The following CNBD1 variants were observed in gnomAD, a reference collection of about 807,000 sequenced individuals.
The protein encoded by CNBD1 is cyclic nucleotide-binding domain-containing protein 1.
A neutral mutation model predicts 54.4 loss-of-function variants in CNBD1; 71 were observed. The observed-to-expected ratio is 1.30, with a 90% confidence interval of 1.08 to 1.59. The LOEUF (loss-of-function observed/expected upper bound fraction) is 1.59. CNBD1 is among the 40% of genes most tolerant of loss of function. The pLI, the probability that CNBD1 is intolerant of heterozygous loss-of-function variation, is 0.00. For synonymous variants in CNBD1, 182 were observed against 170.7 expected (o/e 1.07, Z -0.51); for missense variants, 659 against 518.0 (o/e 1.27, Z -2.64).
intron 4 of CNBD1, among the ~76,000 whole-genome samples, chr8:87,053,777 A>G (rs1374602854): frequency 2.0e-5 from 3 of 152,190 alleles, no homozygotes; most frequent in African/African-American, 7.2e-5. Flanking sequence ...ACTGTATAAT[A>G]GTTGTACTTG....
At chr8:87,153,531 G>T (rs555688475) in intron 4 of CNBD1, among the ~76,000 whole-genome samples, 2 of 152,254 alleles carry the variant, frequency 1.3e-5, no homozygotes, top group East Asian at 3.9e-4. Context: ...GAAAAGAAAA[G>T]AAAAATCTGC....
intron 8 of CNBD1, among the ~76,000 whole-genome samples, chr8:87,340,830 G>T (rs1460487407): frequency 6.6e-6 from 1 of 151,584 alleles, no homozygotes; most frequent in African/African-American, 2.4e-5. Context: ...TTCTTAGCTT[G>T]CTTATGATTA....
At chr8:86,936,444 AT>A (rs1447406191) in intron 3 of CNBD1, among the ~76,000 whole-genome samples, 1 of 152,108 alleles carries the variant, frequency 6.6e-6, no homozygotes, top group Non-Finnish European at 1.5e-5. Flanking sequence ...TTGGAAAAAA[AT>A]CTATATGGAT....
chr8:87,312,641 G>A (rs10099714), intron 8 of CNBD1, among the ~76,000 whole-genome samples: 1,662 of 152,008 alleles, frequency 0.011, 41 homozygotes, highest in African/African-American at 0.038. Flanking sequence ...AGAGCCATAT[G>A]AGTAATTAAT....
intron 10 of CNBD1, among the ~76,000 whole-genome samples, chr8:87,364,587 C>A (rs1810600582): frequency 6.6e-6 from 1 of 151,534 alleles, no homozygotes; most frequent in Non-Finnish European, 1.5e-5. Context: ...TTTTTTGTCA[C>A]CTAGGTATCA....
chr8:87,363,118 G>A (rs1432111834), intron 10 of CNBD1, among the ~76,000 whole-genome samples: 2 of 151,958 alleles, frequency 1.3e-5, no homozygotes, highest in Admixed American at 1.3e-4. Context: ...GTTTTCTGTT[G>A]TTGTGTTAGT....
rs556876934 is a variant in CNBD1 at position 86,972,101 on chromosome 8, G to A, written c.431+32347G>A. 3.9e-3 allele frequency among the ~76,000 whole-genome samples: 597 copies of A among 151,912 alleles called. 5 individuals are homozygous for A. The highest frequency in any genetic ancestry group is 5.0e-3 in the Non-Finnish European group (337 of 67,974). ...CAAGTAGCTGGGATTACAGGTGCCC[G>A]CCACCATGCCTGGCTAATTTTTGAA... On this transcript the variant is annotated intron_variant, in intron 4 of 10. Coordinates refer to ENST00000518476, the MANE Select transcript of CNBD1 (RefSeq NM_173538.3).
chr8:86,939,832 G>A (rs1010576145), intron 4 of CNBD1, 78 bp downstream of exon 4: 12 of 928,668 alleles, frequency 1.3e-5, no homozygotes, highest in Non-Finnish European at 1.9e-5. Flanking sequence ...TTTATTGTTT[G>A]TGGGTAAGTG....
chr8:87,353,685 C>T lies in CNBD1; in HGVS notation c.1202C>T (p.Ser401Phe), dbSNP rs745485240. 3 of 1,608,008 alleles carry T rather than the reference C, an allele frequency of 1.9e-6. No individual in the cohort carries two copies. In the Admixed American group the frequency reaches 5.0e-5, roughly 27 times the overall value. The change falls in exon 10 of 11, where the codon TCC becomes TTC. Residue 401 changes from serine to phenylalanine, a missense_variant. Physicochemically the swap from Ser to Phe is radical, Grantham distance 155. Coordinates refer to ENST00000518476, the MANE Select transcript of CNBD1 (RefSeq NM_173538.3). ...ATGGGGAAACTTAAGGAGAAGGAGT[C>T]CTTTGGTGAGATTAGCGTCCTTCTT... ...VYMGKLKEKE[S>F]FGEISVLLQV...
chr8:87,365,768 C>G (rs972972161), intron 10 of CNBD1, among the ~76,000 whole-genome samples: 1 of 151,858 alleles, frequency 6.6e-6, no homozygotes, highest in African/African-American at 2.4e-5. Context: ...TTATGCATGC[C>G]TCTATTAAAA....
chr8:87,335,629 G>A (rs192455115), intron 8 of CNBD1, among the ~76,000 whole-genome samples: 2 of 152,066 alleles, frequency 1.3e-5, no homozygotes, highest in South Asian at 2.1e-4. Flanking sequence ...CTTGAATATA[G>A]CACACCAATG....
intron 4 of CNBD1, among the ~76,000 whole-genome samples, chr8:86,975,264 CTT>C (rs1808315177): frequency 6.6e-6 from 1 of 151,940 alleles, no homozygotes. Context: ...TAAAACCACT[CTT>C]TTTAGCAATT....
intron 4 of CNBD1, among the ~76,000 whole-genome samples, chr8:87,046,042 TAAAAAAAAAAA>T (rs58214390): frequency 3.6e-4 from 26 of 71,638 alleles, no homozygotes; most frequent in African/African-American, 1.3e-3. Flanking sequence ...CTTCCTCTCA[TAAAAAAAAAAA>T]AAAAAAAAAA....
intron 6 of CNBD1, among the ~76,000 whole-genome samples, chr8:87,273,938 A>G (rs1364390548): frequency 1.9e-5 from 2 of 105,498 alleles, no homozygotes; most frequent in Non-Finnish European, 3.7e-5. Context: ...CCACCCCACA[A>G]CAGTCCCCAG....
chr8:87,379,651 A>C (rs1191141146), intron 10 of CNBD1, among the ~76,000 whole-genome samples: 3 of 152,054 alleles, frequency 2.0e-5, no homozygotes, highest in African/African-American at 4.8e-5. Context: ...AATGGTCATA[A>C]AAGTGCATAT....
At chr8:86,980,015 C>G (rs982120559) in intron 4 of CNBD1, among the ~76,000 whole-genome samples, 2 of 152,150 alleles carry the variant, frequency 1.3e-5, no homozygotes, top group Non-Finnish European at 2.9e-5. Flanking sequence ...GATTTTGTTA[C>G]TTTTAAGTTT....
chr8:87,231,751 GTT>G (rs1365441402), intron 5 of CNBD1, among the ~76,000 whole-genome samples: 1 of 151,716 alleles, frequency 6.6e-6, no homozygotes, highest in Non-Finnish European at 1.5e-5. Context: ...TTCAATATTT[GTT>G]TCTGACACTT....
chr8:87,020,873 A>G (rs937625533), intron 4 of CNBD1, among the ~76,000 whole-genome samples: 6 of 152,168 alleles, frequency 3.9e-5, no homozygotes, highest in East Asian at 3.9e-4. Flanking sequence ...ACAACCTGTT[A>G]TCTCTAAAGT....
At chr8:87,271,080 C>G (rs911650322) in intron 6 of CNBD1, among the ~76,000 whole-genome samples, 7 of 151,598 alleles carry the variant, frequency 4.6e-5, no homozygotes, top group African/African-American at 1.7e-4. Flanking sequence ...GTAATTCTCT[C>G]TAATGATTCT....
Sources: gnomAD v4.1 joint callset for allele counts (sites outside exome capture counted in the v4.1 genomes callset) on GRCh38, gnomAD v4.1.1 for gene constraint, MANE v1.5 for transcripts, NCBI Gene and HGNC (gene_info 2026-07-23, HGNC 2026-07-21) for gene names.